Variants in HS3ST1 observed in about 807,000 individuals in gnomAD.
The protein encoded by HS3ST1 is heparan sulfate glucosamine 3-O-sulfotransferase 1.
Under a neutral mutation model 20.7 loss-of-function variants are expected in HS3ST1, and 8 were observed. The ratio of observed to expected loss-of-function variants is 0.39; its 90% CI spans 0.23 to 0.70. HS3ST1 has a LOEUF of 0.70. Among genes scored for constraint, HS3ST1 ranks in the 30% least tolerant of loss-of-function variants. HS3ST1 has a pLI of 0.46. For missense variants in HS3ST1, 436 were observed against 423.4 expected (o/e 1.03, Z -0.26); for synonymous variants, 205 against 190.4 (o/e 1.08, Z -0.63).
In HS3ST1 at chr4:11,396,648, G is replaced by T. The variant is rs1718153706; in HGVS notation, c.*2434C>A. On this transcript the variant is annotated 3_prime_UTR_variant, in exon 2 of 2. Transcript: ENST00000002596. ...TAAATACCTTGGGTAAGTCTGGAGTGATGGTTTCTTACACAGTGTACCTTC... is the reference window on the plus strand; with the variant it reads ...TAAATACCTTGGGTAAGTCTGGAGTTATGGTTTCTTACACAGTGTACCTTC... 1 of 152,312 alleles carries T rather than the reference G, an allele frequency of 6.6e-6. No homozygotes were observed. The highest frequency in any genetic ancestry group is 1.9e-4 in the East Asian group (1 of 5,190). 9.4% of individuals were successfully genotyped at this position (152,312 alleles called of 1,614,324 possible). A position where few individuals can be genotyped will look rare whatever the true frequency, so the allele number is the denominator to read the frequency against.
rs540889586 is a variant in HS3ST1 at position 11,410,093 on chromosome 4, A to G, written c.-108-9980T>C. On this transcript the variant is annotated intron_variant, in intron 1 of 1. Coordinates refer to ENST00000002596, the MANE Select transcript of HS3ST1 (RefSeq NM_005114.4). ...CTGAATGGCAAGTCTGCAAAGAGCAATGCCTAAGGTCTATGCTTTGCCCAT... is the reference window on the plus strand; with the variant it reads ...CTGAATGGCAAGTCTGCAAAGAGCAGTGCCTAAGGTCTATGCTTTGCCCAT... Among the ~76,000 whole-genome samples, 5 of 152,344 alleles carry G rather than the reference A, an allele frequency of 3.3e-5. No individual in the cohort carries two copies. In the East Asian group the frequency reaches 5.8e-4, roughly 18 times the overall value.
intron 1 of HS3ST1, among the ~76,000 whole-genome samples, chr4:11,418,411 C>A (rs1718841684): frequency 6.6e-6 from 1 of 152,158 alleles, no homozygotes; most frequent in East Asian, 1.9e-4. Context: ...CAACAAAAGT[C>A]CATAAGGAAA....
intron 1 of HS3ST1, among the ~76,000 whole-genome samples, chr4:11,402,403 A>G (rs1364083005): frequency 3.9e-5 from 6 of 152,232 alleles, no homozygotes; most frequent in Non-Finnish European, 8.8e-5. Flanking sequence ...TAACAGGCCA[A>G]TTTTTTTAGT....
intron 1 of HS3ST1, among the ~76,000 whole-genome samples, chr4:11,408,172 A>G (rs1718521747): frequency 6.6e-6 from 1 of 152,170 alleles, no homozygotes; most frequent in African/African-American, 2.4e-5. Flanking sequence ...TTAGCTCTGT[A>G]ACTTGAAATC....
intron 1 of HS3ST1, among the ~76,000 whole-genome samples, chr4:11,427,037 G>C (rs1289767574): frequency 1.3e-5 from 2 of 152,072 alleles, no homozygotes; most frequent in Non-Finnish European, 2.9e-5. Context: ...AAATCCGAAC[G>C]TCAAAGGATG....
In HS3ST1 at chr4:11,399,500, T is replaced by C. The variant is rs1488943550; in HGVS notation, c.506A>G (p.Lys169Arg). The C allele has an allele frequency of 1.9e-6, 3 of 1,613,916 alleles. No homozygotes were observed. The highest frequency in any genetic ancestry group is 2.5e-6 in the Non-Finnish European group (3 of 1,180,018). ...QVFYNHMQKH[K>R]PYPSIEEFLV... The stretch of plus-strand genomic sequence containing the variant: ...GAACTCCTCGATGGACGGGTAGGGC[T>C]TGTGCTTCTGCATGTGGTTGTAGAA... The change falls in exon 2 of 2, where the codon AAG (lysine) becomes AGG (arginine). Residue 169 changes from lysine (K) to arginine (R), a missense_variant. Lys to Arg is a conservative substitution (Grantham distance 26). Transcript: ENST00000002596. This position sits in a 1 kb window ranked among gnomAD's most constrained non-coding sequence, Gnocchi z 5.1.
chr4:11,399,580 C>T lies in HS3ST1; in HGVS notation c.426G>A (p.Leu142=), dbSNP rs539367868. ...RVYSMNPSIR[L]LLILRDPSER... is the part of the protein sequence containing the mutation. ...CCGACGGGTCTCGCAGGATGAGCAG[C>T]AGCCGGATGGACGGGTTCATGCTGT... Residue 142 remains leucine (L), a synonymous_variant, in exon 2 of 2, where the codon CTG becomes CTA. Transcript: ENST00000002596. The surrounding 1 kb of genome is among the most constrained non-coding windows in gnomAD (Gnocchi z 5.1). The T allele has an allele frequency of 6.2e-7, 1 of 1,613,862 alleles. No individual in the cohort carries two copies. The highest frequency in any genetic ancestry group is 1.1e-5 in the South Asian group (1 of 91,088).
chr4:11,414,459 A>T (rs554268755), intron 1 of HS3ST1, among the ~76,000 whole-genome samples: 1 of 152,320 alleles, frequency 6.6e-6, no homozygotes, highest in East Asian at 1.9e-4. Context: ...GTTCTAGCCC[A>T]TAGCATGGTA....
intron 1 of HS3ST1, among the ~76,000 whole-genome samples, chr4:11,419,051 C>A (rs888414445): frequency 6.6e-6 from 1 of 151,908 alleles, no homozygotes; most frequent in Non-Finnish European, 1.5e-5. Flanking sequence ...CTGCTGAAGA[C>A]CACCCTGTCA....
At chr4:11,429,364 A>G (rs1462063923), upstream of HS3ST1, 1 of 152,332 alleles carries the variant, frequency 6.6e-6, no homozygotes, top group African/African-American at 2.4e-5. Context: ...TGTACCCGGG[A>G]CCTGTGCTCC....
intron 1 of HS3ST1, among the ~76,000 whole-genome samples, chr4:11,418,966 G>A (rs1718856175): frequency 6.6e-6 from 1 of 152,054 alleles, no homozygotes; most frequent in African/African-American, 2.4e-5. Flanking sequence ...GTCCTCAGAA[G>A]CTCTGCTGAG....
chr4:11,399,100 T>G lies in HS3ST1; in HGVS notation c.906A>C (p.Arg302Ser). The change falls in exon 2 of 2, where the codon AGA becomes AGC. Residue 302 changes from arginine (R) to serine (S), a missense_variant. Physicochemically the swap from Arg to Ser is moderately radical, Grantham distance 110. Transcript: ENST00000002596. The surrounding 1 kb of genome is among the most constrained non-coding windows in gnomAD (Gnocchi z 5.1). ...PNKKFFELVG[R>S]TFDWH ...TTGCAAATCAGTGCCAGTCAAATGT[T>G]CTGCCAACAAGCTCGAAGAACTTCT... The G allele has an allele frequency of 6.2e-7, 1 of 1,612,044 alleles. No individual in the cohort carries two copies. The highest frequency in any genetic ancestry group is 2.2e-5 in the East Asian group (1 of 44,818).
chr4:11,432,675 T>G (rs1719227782), upstream of HS3ST1, among the ~76,000 whole-genome samples: 1 of 152,232 alleles, frequency 6.6e-6, no homozygotes, highest in South Asian at 2.1e-4. Context: ...GAGAGCATGA[T>G]TGCACTGTGT....
At chr4:11,418,333 A>G (rs925846507) in intron 1 of HS3ST1, among the ~76,000 whole-genome samples, 11 of 152,254 alleles carry the variant, frequency 7.2e-5, no homozygotes, top group Non-Finnish European at 1.5e-5. Flanking sequence ...GTGCAGCATT[A>G]TAGACACTTA....
rs1718281935 is a variant in HS3ST1 at position 11,400,073 on chromosome 4, C to T, written c.-68G>A. On this transcript the variant is annotated 5_prime_UTR_variant, in exon 2 of 2. Transcript: ENST00000002596. ...TCATGAAGTGCCGCAGCAGGGAAGC[C>T]TCCTAGTCAGTGGCACATGGGCGTT... 3 of 1,433,224 alleles carry T rather than the reference C, an allele frequency of 2.1e-6. No homozygotes were observed. Among genetic ancestry groups the T allele is most frequent in the Non-Finnish European group, 2.7e-6 (3 of 1,097,564 alleles). 88.8% of individuals were successfully genotyped at this position (1,433,224 alleles called of 1,614,324 possible).
chr4:11,406,825 A>G (rs1332191038), intron 1 of HS3ST1, among the ~76,000 whole-genome samples: 1 of 152,120 alleles, frequency 6.6e-6, no homozygotes, highest in Non-Finnish European at 1.5e-5. Context: ...GTACTGAAAC[A>G]TGAGAAACAC....
At chr4:11,423,386 A>G (rs914837670) in intron 1 of HS3ST1, among the ~76,000 whole-genome samples, 2 of 152,234 alleles carry the variant, frequency 1.3e-5, no homozygotes, top group African/African-American at 4.8e-5. Flanking sequence ...TGGATAATGA[A>G]ATTTAACTTT....
chr4:11,404,418 T>C (rs77457225), intron 1 of HS3ST1, among the ~76,000 whole-genome samples: 1,864 of 152,324 alleles, frequency 0.012, 19 homozygotes, highest in Non-Finnish European at 0.017. Flanking sequence ...TCCAAGTGCA[T>C]ATATATTTCC....
chr4:11,400,322 C>T (rs1718289468), intron 1 of HS3ST1, among the ~76,000 whole-genome samples: 1 of 152,136 alleles, frequency 6.6e-6, no homozygotes, highest in African/African-American at 2.4e-5. Context: ...TATGCCAACT[C>T]CAACTCCAAC....
Sources: allele counts gnomAD v4.1 joint callset (sites outside exome capture counted in the v4.1 genomes callset), GRCh38; gene constraint gnomAD v4.1.1; non-coding constraint Gnocchi (gnomAD v3.1); transcripts MANE v1.5; gene names NCBI Gene and HGNC (gene_info 2026-07-23, HGNC 2026-07-21).